FNBP1: variants seen among roughly 807,000 people sequenced by gnomAD.
The protein encoded by FNBP1 is formin binding protein 1, also known as formin-binding protein 1.
In FNBP1, 26 loss-of-function variants were observed where a neutral mutation model predicts 90.6. The ratio of observed to expected loss-of-function variants is 0.29; its 90% confidence interval spans 0.21 to 0.40. FNBP1 has a LOEUF of 0.40. FNBP1 is among the 10% of genes least tolerant of loss of function. The pLI, the probability that FNBP1 is intolerant of heterozygous loss-of-function variation, is 1.00. For missense variants in FNBP1, 635 were observed against 768.0 expected, an observed-to-expected ratio of 0.83 and a Z score of 2.05; for synonymous variants, 260 against 265.2, an observed-to-expected ratio of 0.98 and a Z score of 0.19.
intron 8 of FNBP1, among the ~76,000 whole-genome samples, chr9:129,926,130 C>G (rs2041873023): frequency 6.6e-6 from 1 of 151,830 alleles, no homozygotes; most frequent in African/African-American, 2.4e-5. Context: ...TACCACCACA[C>G]CCAGCTAATT....
intron 1 of FNBP1, among the ~76,000 whole-genome samples, chr9:130,013,264 G>A (rs2131723423): frequency 6.6e-6 from 1 of 152,320 alleles, no homozygotes; most frequent in African/African-American, 2.4e-5. Context: ...ACAGGCATGA[G>A]CTACTGTGCC....
At chr9:129,958,079 TG>T (rs1249278886) in intron 5 of FNBP1, among the ~76,000 whole-genome samples, 1 of 152,216 alleles carries the variant, frequency 6.6e-6, no homozygotes, top group African/African-American at 2.4e-5. Flanking sequence ...TTTATGTGCA[TG>T]TTTTTTACTT....
At chr9:129,951,346 A>C (rs890250228) in intron 6 of FNBP1, among the ~76,000 whole-genome samples, 1 of 151,814 alleles carries the variant, frequency 6.6e-6, no homozygotes, top group Admixed American at 6.6e-5. Flanking sequence ...TTCCTGCCTC[A>C]GCCTCCCAAA....
chr9:130,034,222 AG>A (rs1199853688), intron 1 of FNBP1, among the ~76,000 whole-genome samples: 13 of 150,998 alleles, frequency 8.6e-5, no homozygotes, highest in Admixed American at 4.7e-4. Context: ...TTGAAGCAGG[AG>A]GATCGCTTGA....
intron 4 of FNBP1, among the ~76,000 whole-genome samples, chr9:129,967,793 A>G (rs2048840038): frequency 6.6e-6 from 1 of 152,218 alleles, no homozygotes. Flanking sequence ...ATCACATTTC[A>G]AGCCCATGAA....
In FNBP1 at chr9:129,890,916, G is replaced by A. The variant is rs1360710380; in HGVS notation, c.1847-370C>T. Among the ~76,000 whole-genome samples, 5 of 151,980 alleles carry A rather than the reference G, an allele frequency of 3.3e-5. 1 individual carries two copies. In the East Asian group the frequency reaches 9.7e-4, roughly 30 times the overall value. On this transcript the variant is annotated intron_variant, in intron 16 of 16. Coordinates refer to ENST00000446176, the MANE Select transcript of FNBP1 (RefSeq NM_015033.3). The surrounding 1 kb of genome is among the most constrained non-coding windows in gnomAD (Gnocchi z 5.8). ...TCATGCCTGTAATCCCAGCACTTTG[G>A]GAGCCTGAGGCAGGCAGATCACGAG... is the stretch of plus-strand genomic sequence containing the variant.
chr9:130,001,087 C>T (rs796930423), intron 1 of FNBP1, among the ~76,000 whole-genome samples: 6 of 152,162 alleles, frequency 3.9e-5, no homozygotes, highest in African/African-American at 1.4e-4. Flanking sequence ...TAATCCAGCA[C>T]TTTGGGAGGC....
chr9:129,979,201 C>G, intron 3 of FNBP1, 117 bp downstream of exon 3: 1 of 603,716 alleles, frequency 1.7e-6, no homozygotes, highest in Non-Finnish European at 2.9e-6. Context: ...AATTTAAAAA[C>G]TGACACAAAA....
At chr9:129,950,769 T>C (rs1290520069) in intron 6 of FNBP1, among the ~76,000 whole-genome samples, 1 of 152,072 alleles carries the variant, frequency 6.6e-6, no homozygotes, top group Non-Finnish European at 1.5e-5. Context: ...GCTCTGAACC[T>C]CACAGTTTTC....
At chr9:130,038,399 C>CT (rs796531911) in intron 1 of FNBP1, among the ~76,000 whole-genome samples, 10,018 of 108,518 alleles carry the variant, frequency 0.092, 709 homozygotes, top group Non-Finnish European at 0.12. Context: ...ACAGGTGGCT[C>CT]TTTTTTTTTT....
rs371331770 is a variant in FNBP1, at chr9:130,038,751, T to C, written c.24+4201A>G. ...AATATGCATTATTCAGGTTTCTCTG[T>C]TCTCTTTCTTGTACATACTTCATTT... On this transcript the variant is annotated intron_variant, in intron 1 of 16. Coordinates refer to ENST00000446176, the MANE Select transcript of FNBP1 (RefSeq NM_015033.3). Among the ~76,000 whole-genome samples the C allele has an allele frequency of 8.5e-5, 13 of 152,304 alleles. No homozygotes were observed. The East Asian group carries it at 2.1e-3, about 25-fold the overall frequency.
chr9:129,989,104 T>C (rs1005344977), intron 2 of FNBP1, among the ~76,000 whole-genome samples: 3 of 152,252 alleles, frequency 2.0e-5, no homozygotes, highest in Admixed American at 2.0e-4. Flanking sequence ...GGCTTCTTTT[T>C]GTAATTCACT....
At chr9:129,937,141 G>C (rs1411738569) in intron 6 of FNBP1, among the ~76,000 whole-genome samples, 1 of 151,046 alleles carries the variant, frequency 6.6e-6, no homozygotes, top group Non-Finnish European at 1.5e-5. Context: ...CTGCACTCCA[G>C]CCTGGGGGAC....
At chr9:129,958,668 G>C (rs2047311967) in intron 4 of FNBP1, 115 bp from the exon 5 acceptor site, 2 of 806,192 alleles carry the variant, frequency 2.5e-6, no homozygotes, top group African/African-American at 3.5e-5. Context: ...TAGTATGTAT[G>C]CTCCAAAGAA....
chr9:129,985,478 G>A (rs1315085044), intron 2 of FNBP1, among the ~76,000 whole-genome samples: 4 of 152,126 alleles, frequency 2.6e-5, no homozygotes, highest in African/African-American at 9.7e-5. Context: ...CCCAGGCATT[G>A]GGACTCTTGA....
Position 129,900,648 on chromosome 9 carries a change from A to C in FNBP1, c.1429-101T>G. On this transcript the variant is annotated intron_variant, in intron 13 of 16. Coordinates refer to ENST00000446176, the MANE Select transcript of FNBP1 (RefSeq NM_015033.3). The surrounding 1 kb of genome is among the most constrained non-coding windows in gnomAD (Gnocchi z 4.1). ...GGCCATCTGAGGGCCAGCCCGGAGC[A>C]TCCTAAGGTCCCAAACTCAGGGGCT... The C allele has an allele frequency of 8.2e-7, 1 of 1,226,840 alleles. No individual in the cohort carries two copies. The highest frequency in any genetic ancestry group is 1.0e-6 in the Non-Finnish European group (1 of 955,666). The allele number at this position is 1,226,840 out of a possible 1,614,324, so 76.0% of individuals were successfully genotyped here.
chr9:129,939,191 C>T (rs549539187), intron 6 of FNBP1, among the ~76,000 whole-genome samples: 1 of 152,178 alleles, frequency 6.6e-6, no homozygotes, highest in African/African-American at 2.4e-5. Context: ...GAGTTCAAGA[C>T]CAGCCTGACC....
chr9:130,041,744 T>C lies in FNBP1; in HGVS notation c.24+1208A>G, dbSNP rs2059837343. Among the ~76,000 whole-genome samples the C allele has an allele frequency of 6.6e-6, 1 of 152,158 alleles. No homozygotes were observed. The stretch of plus-strand genomic sequence containing the variant: ...CGTAGCTGCTTCTGTACCTAACAAA[T>C]GGTTATGTAAAAACAATTAAAGCAA... On this transcript the variant is annotated intron_variant, in intron 1 of 16. Transcript: ENST00000446176. The surrounding 1 kb of genome is among the most constrained non-coding windows in gnomAD (Gnocchi z 4.3).
chr9:129,979,054 A>C (rs1282500597), intron 3 of FNBP1, among the ~76,000 whole-genome samples: 1 of 152,204 alleles, frequency 6.6e-6, no homozygotes, highest in African/African-American at 2.4e-5. Flanking sequence ...TCAACTCTAG[A>C]ATGCAGATTC....
Sources: allele counts gnomAD v4.1 joint callset (sites outside exome capture counted in the v4.1 genomes callset), GRCh38; gene constraint gnomAD v4.1.1; non-coding constraint Gnocchi (gnomAD v3.1); transcripts MANE v1.5; gene names NCBI Gene and HGNC (gene_info 2026-07-23, HGNC 2026-07-21).